The following SELENOI variants were observed in gnomAD, a reference collection of about 807,000 sequenced individuals.
SELENOI encodes ethanolaminephosphotransferase 1.
Under a neutral mutation model 50.7 loss-of-function variants are expected in SELENOI, and 24 were observed. The observed-to-expected ratio is 0.47, with a 90% CI of 0.34 to 0.67. The LOEUF is 0.67. SELENOI is among the 30% of genes least tolerant of loss of function. The probability of loss-of-function intolerance (pLI) is 0.01; values close to 1 mark genes in which losing one functional copy is unlikely to be tolerated. For missense variants in SELENOI, 352 were observed against 461.4 expected (o/e 0.76, Z 2.17); for synonymous variants, 155 against 170.2 (o/e 0.91, Z 0.70).
chr2:26,348,542 C>G (rs565327555), intron 1 of SELENOI, among the ~76,000 whole-genome samples: 1 of 152,164 alleles, frequency 6.6e-6, no homozygotes, highest in African/African-American at 2.4e-5. Context: ...TATGGAAGAG[C>G]GTGGGATGGA....
chr2:26,384,780 C>A (rs181956613), intron 7 of SELENOI, among the ~76,000 whole-genome samples, 179 bp from the exon 8 acceptor site: 1 of 152,288 alleles, frequency 6.6e-6, no homozygotes, highest in Non-Finnish European at 1.5e-5. Context: ...AATTTAAATT[C>A]TCTTATCCTC....
chr2:26,355,818 G>A (rs1010027852), intron 1 of SELENOI, among the ~76,000 whole-genome samples: 8 of 150,778 alleles, frequency 5.3e-5, no homozygotes, highest in Non-Finnish European at 1.0e-4. Context: ...ACGGCTCACT[G>A]TAGCCTCAAC....
intron 6 of SELENOI, among the ~76,000 whole-genome samples, chr2:26,375,812 T>G: frequency 6.6e-6 from 1 of 152,036 alleles, no homozygotes; most frequent in East Asian, 1.9e-4. Context: ...TCTGTTCTCT[T>G]ATCTAAAAAA....
At chr2:26,348,185 T>C (rs1371951357) in intron 1 of SELENOI, among the ~76,000 whole-genome samples, 1 of 152,252 alleles carries the variant, frequency 6.6e-6, no homozygotes, top group Admixed American at 6.5e-5. Context: ...TTTTTTCTTA[T>C]CGTTGCGTTC....
At chr2:26,383,271 A>G (rs1242915301) in intron 6 of SELENOI, 28 bp from the exon 7 acceptor site, 4 of 1,487,126 alleles carry the variant, frequency 2.7e-6, no homozygotes, top group Non-Finnish European at 3.6e-6. Flanking sequence ...TTGAATAAGC[A>G]TAATAATTGA....
chr2:26,370,860 G>T (rs1438170692), intron 4 of SELENOI, among the ~76,000 whole-genome samples: 2 of 138,608 alleles, frequency 1.4e-5, no homozygotes, highest in African/African-American at 5.4e-5. Context: ...CCCGGACGGG[G>T]CGGCTGGCCA....
intron 6 of SELENOI, among the ~76,000 whole-genome samples, chr2:26,379,706 C>T (rs1003568621): frequency 6.6e-6 from 1 of 152,130 alleles, no homozygotes; most frequent in African/African-American, 2.4e-5. Context: ...GGAATTCATT[C>T]ATTCAGTGGA....
rs1677538229 is a variant in SELENOI, at chr2:26,375,070, G to T, written c.604G>T (p.Val202Phe). ...TTCTTTTGTCTACATAGTGACTGCA[G>T]TTGTGGGAGTTGAGGCCTGGTATGA... is the stretch of plus-strand genomic sequence containing the variant. ...TISFVYIVTA[V>F]VGVEAWYEPF... The change falls in exon 6 of 10, where the codon GTT becomes TTT. Residue 202 changes from valine (V) to phenylalanine (F), a missense_variant. Val to Phe is a conservative substitution (Grantham distance 50). Transcript: ENST00000260585. 6.2e-7 allele frequency: 1 copy of T among 1,613,454 alleles called. No individual in the cohort carries two copies. The highest frequency in any genetic ancestry group is 8.5e-7 in the Non-Finnish European group (1 of 1,179,448).
At chr2:26,348,614 CAGTT>C (rs566992102) in intron 1 of SELENOI, among the ~76,000 whole-genome samples, 164 of 152,050 alleles carry the variant, frequency 1.1e-3, no homozygotes, top group African/African-American at 3.6e-3. Flanking sequence ...TTGTATTAAA[CAGTT>C]AGTTGACTAT....
At position 26,348,996 on chromosome 2, in the gene SELENOI, CTTTTTTTTTTTTTTTTTT is replaced by C. The variant is rs869073468; in HGVS notation, c.57+2725_57+2742del. 4.9e-4 allele frequency among the ~76,000 whole-genome samples: 28 copies of C among 57,702 alleles called. 1 individual carries two copies. The highest frequency in any genetic ancestry group is 9.2e-4 in the African/African-American group (19 of 20,672). 37.9% of individuals were successfully genotyped at this position (57,702 alleles called of 152,430 possible). A position where few individuals can be genotyped will look rare whatever the true frequency, so the allele number is the denominator to read the frequency against. ...CTACCCATCCTTTGTTTTGGACAGG[CTTTTTTTTTTTTTTTTTT>C]TTTTTTTTTTTTTTTTTGGAGATGG... On this transcript the variant is annotated intron_variant, in intron 1 of 9. Transcript: ENST00000260585.
chr2:26,357,417 C>G (rs1445841229), intron 1 of SELENOI, among the ~76,000 whole-genome samples: 3 of 152,216 alleles, frequency 2.0e-5, no homozygotes, highest in Non-Finnish European at 2.9e-5. Flanking sequence ...TGGTTACCAT[C>G]TTTACTAGCC....
chr2:26,380,228 A>G (rs1019550265), intron 6 of SELENOI, among the ~76,000 whole-genome samples: 5 of 152,206 alleles, frequency 3.3e-5, no homozygotes, highest in Admixed American at 1.3e-4. Context: ...TTGTTACCCA[A>G]TCCTTTCTTT....
chr2:26,389,239 A>G lies in SELENOI; in HGVS notation c.*136A>G, dbSNP rs560261275. 1.9e-5 allele frequency: 13 copies of G among 676,604 alleles called. No homozygotes were observed. In the African/African-American group the frequency reaches 2.2e-4, roughly 11 times the overall value. 41.9% of individuals were successfully genotyped at this position (676,604 alleles called of 1,614,324 possible). A position where few individuals can be genotyped will look rare whatever the true frequency, so the allele number is the denominator to read the frequency against. On this transcript the variant is annotated 3_prime_UTR_variant, in exon 10 of 10. Transcript: ENST00000260585. ...TACTTGGACAGCAGGAATGATACAT[A>G]TAATCTGAACTTGGGAAATTTTGGA...
intron 1 of SELENOI, among the ~76,000 whole-genome samples, chr2:26,360,720 C>T (rs970215689): frequency 2.0e-5 from 3 of 152,116 alleles, no homozygotes; most frequent in East Asian, 1.9e-4. Flanking sequence ...GGCTATATTT[C>T]GTGGTTCTGG....
chr2:26,370,872 G>T, intron 4 of SELENOI, among the ~76,000 whole-genome samples: 1 of 132,358 alleles, frequency 7.6e-6, no homozygotes, highest in African/African-American at 3.0e-5. Flanking sequence ...GGCTGGCCAG[G>T]CGGGGGGCTG....
Position 26,383,322 on chromosome 2 carries a change from C to T in SELENOI, c.706C>T (p.Pro236Ser). The change falls in exon 7 of 10, where the codon CCA (proline) becomes TCA (serine). Residue 236 changes from proline (P) to serine (S), a missense_variant. Pro to Ser is a moderately conservative substitution (Grantham distance 74). Coordinates refer to ENST00000260585, the MANE Select transcript of SELENOI (RefSeq NM_033505.4). ...AGGTTGTGCATTATGTGTGACTCTT[C>T]CAATGAGTTTATTAAACTTTTTCAG... ...IIGCALCVTL[P>S]MSLLNFFRSY... 1 of 1,540,852 alleles carries T rather than the reference C, an allele frequency of 6.5e-7. No homozygotes were observed. Among genetic ancestry groups the T allele is most frequent in the Non-Finnish European group, 8.8e-7 (1 of 1,134,894 alleles).
Position 26,364,288 on chromosome 2 carries a change from T to C in SELENOI, c.58-14T>C, listed in dbSNP as rs1296236612. ...AAGGATTTACTCTGAATATTTTCTT[T>C]CATTTCTTAACAGTACAGTGCTGTG... On this transcript the variant is annotated splice_polypyrimidine_tract_variant and intron_variant, in intron 1 of 9. Coordinates refer to ENST00000260585, the MANE Select transcript of SELENOI (RefSeq NM_033505.4). 2 of 1,530,278 alleles carry C rather than the reference T, an allele frequency of 1.3e-6. No homozygotes were observed. The highest frequency in any genetic ancestry group is 1.8e-6 in the Non-Finnish European group (2 of 1,127,334). 94.8% of individuals were successfully genotyped at this position (1,530,278 alleles called of 1,614,324 possible). A position where few individuals can be genotyped will look rare whatever the true frequency, so the allele number is the denominator to read the frequency against.
chr2:26,351,542 G>T (rs558538171), intron 1 of SELENOI, among the ~76,000 whole-genome samples: 1 of 152,342 alleles, frequency 6.6e-6, no homozygotes, highest in South Asian at 2.1e-4. Context: ...GGGGAGAAAG[G>T]CATTATGGAA....
intron 6 of SELENOI, among the ~76,000 whole-genome samples, chr2:26,381,971 G>A (rs912960685): frequency 2.0e-5 from 3 of 152,212 alleles, no homozygotes; most frequent in Admixed American, 1.3e-4. Flanking sequence ...CATGACAATG[G>A]AACATCCAAA....
Sources: allele counts gnomAD v4.1 joint callset (sites outside exome capture counted in the v4.1 genomes callset), GRCh38; gene constraint gnomAD v4.1.1; transcripts MANE v1.5; gene names NCBI Gene and HGNC (gene_info 2026-07-23, HGNC 2026-07-21).